Variants in PLEKHG6 observed in about 807,000 individuals in gnomAD.
The protein encoded by PLEKHG6 is pleckstrin homology domain-containing family G member 6.
PLEKHG6 carries 91 observed loss-of-function variants against 97.5 expected under a neutral mutation model. The observed-to-expected ratio is 0.93, with a 90% CI of 0.79 to 1.11. The LOEUF is 1.11. PLEKHG6 is among the 50% of genes most tolerant of loss of function. The pLI, the probability that PLEKHG6 is intolerant of heterozygous loss-of-function variation, is 0.00. For synonymous variants in PLEKHG6, 466 were observed against 425.5 expected (o/e 1.10, Z -1.17); for missense variants, 1,044 against 1,031.0 (o/e 1.01, Z -0.17).
At chr12:6,319,759 C>G in intron 13 of PLEKHG6, 6 of 1,298,802 alleles carry the variant, frequency 4.6e-6, no homozygotes, top group Non-Finnish European at 6.3e-6. Context: ...ACGGCAGGCA[C>G]TAGAGCTAGG....
At chr12:6,313,567 A>G in intron 2 of PLEKHG6, 62 bp from the exon 3 acceptor site, 4 of 1,584,674 alleles carry the variant, frequency 2.5e-6, no homozygotes, top group Non-Finnish European at 3.4e-6. Flanking sequence ...CCCCCCTACT[A>G]CCTCTCTGGG....
At chr12:6,324,987 G>T (rs940203528) in intron 13 of PLEKHG6, among the ~76,000 whole-genome samples, 1 of 152,210 alleles carries the variant, frequency 6.6e-6, no homozygotes, top group African/African-American at 2.4e-5. Flanking sequence ...GGGGATGGGG[G>T]AAGTGGTTGA....
At chr12:6,326,964 A>T (rs191733093) in intron 14 of PLEKHG6, among the ~76,000 whole-genome samples, 1 of 152,134 alleles carries the variant, frequency 6.6e-6, no homozygotes, top group East Asian at 1.9e-4. Context: ...AGAATCGATC[A>T]TTGAGGATAA....
At chr12:6,314,219 TG>T (rs1250036354) in intron 3 of PLEKHG6, among the ~76,000 whole-genome samples, 1 of 151,954 alleles carries the variant, frequency 6.6e-6, no homozygotes, top group Non-Finnish European at 1.5e-5. Flanking sequence ...ACCTGTAAAA[TG>T]GGCCGGGCGT....
In PLEKHG6 at chr12:6,318,439, G is replaced by T; in HGVS notation, c.1275+19G>T. ...AGGGAAGGTGAGGGTGCTGCGGACAGAGTGGAGGGGATGGGGCACGGTGGG... is the reference window on the plus strand; with the variant it reads ...AGGGAAGGTGAGGGTGCTGCGGACATAGTGGAGGGGATGGGGCACGGTGGG... On this transcript the variant is annotated intron_variant, in intron 11 of 15. Coordinates refer to ENST00000684764, the MANE Select transcript of PLEKHG6 (RefSeq NM_001384598.1). The T allele has an allele frequency of 6.3e-7, 1 of 1,589,246 alleles. No individual in the cohort carries two copies. The highest frequency in any genetic ancestry group is 8.6e-7 in the Non-Finnish European group (1 of 1,169,294).
Position 6,316,020 on chromosome 12 carries a change from C to T in PLEKHG6, c.606+101C>T, listed in dbSNP as rs562029126. 32 of 1,169,490 alleles carry T rather than the reference C, an allele frequency of 2.7e-5. No individual in the cohort carries two copies. Among genetic ancestry groups the T allele is most frequent in the Non-Finnish European group, 3.5e-5 (29 of 828,596 alleles). The allele number at this position is 1,169,490 out of a possible 1,614,324, so 72.4% of individuals were successfully genotyped here. On this transcript the variant is annotated intron_variant, in intron 6 of 15. Transcript: ENST00000684764. This position sits in a 1 kb window ranked among gnomAD's most constrained non-coding sequence, Gnocchi z 4.1. The stretch of plus-strand genomic sequence containing the variant: ...ATCCCTGTCTGAATTCCCACTGCCC[C>T]GTTTTTTGGGATGCCTTGCCCTCCC...
chr12:6,318,433 C>A lies in PLEKHG6; in HGVS notation c.1275+13C>A. Reference sequence around the variant, plus strand: ...ACGAGAAGGGAAGGTGAGGGTGCTGCGGACAGAGTGGAGGGGATGGGGCAC... The same window carrying A: ...ACGAGAAGGGAAGGTGAGGGTGCTGAGGACAGAGTGGAGGGGATGGGGCAC... On this transcript the variant is annotated intron_variant, in intron 11 of 15. Coordinates refer to ENST00000684764, the MANE Select transcript of PLEKHG6 (RefSeq NM_001384598.1). The A allele has an allele frequency of 6.3e-7, 1 of 1,598,220 alleles. No homozygotes were observed.
chr12:6,320,040 A>C (rs1454136347), intron 13 of PLEKHG6, among the ~76,000 whole-genome samples: 1 of 152,210 alleles, frequency 6.6e-6, no homozygotes, highest in Non-Finnish European at 1.5e-5. Context: ...CAGAACGTGC[A>C]AAGGCGGGAA....
rs547945679 is a variant in PLEKHG6 at position 6,317,743 on chromosome 12, AG to A, written c.1017+53del. ...GGACTCTGGTGAATCGGGGACTGGG[AG>A]GGGGGTCTCTTTCTTAGTGTGTCTG... On this transcript the variant is annotated intron_variant, in intron 9 of 15. Transcript: ENST00000684764. The A allele has an allele frequency of 3.6e-4, 578 of 1,603,076 alleles. 4 individuals carry two copies. In the African/African-American group the frequency reaches 6.6e-3, roughly 18 times the overall value.
intron 13 of PLEKHG6, among the ~76,000 whole-genome samples, chr12:6,320,454 C>A (rs1314467503): frequency 6.6e-6 from 1 of 152,172 alleles, no homozygotes; most frequent in Non-Finnish European, 1.5e-5. Context: ...ATCCTTGCCT[C>A]TTCCAGCTCC....
Position 6,328,139 on chromosome 12 carries a change from G to T in PLEKHG6, c.2367G>T (p.Glu789Asp), listed in dbSNP as rs1947942454. 1.2e-6 allele frequency: 2 copies of T among 1,613,996 alleles called. No individual in the cohort carries two copies. Among genetic ancestry groups the T allele is most frequent in the Middle Eastern group, 1.6e-4 (1 of 6,084 alleles). The change falls in exon 16 of 16, where the codon GAG (glutamate) becomes GAT (aspartate). Residue 789 changes from glutamate (E) to aspartate (D), a missense_variant. Coordinates refer to ENST00000684764, the MANE Select transcript of PLEKHG6 (RefSeq NM_001384598.1). ...ACACCCCCTCCTGTCTTTTCAGAGA[G>T]GTATGAGGAATGCAGAGGACCTTTG... ...IQLDTPLSAS[E>D]V is the part of the protein sequence containing the mutation.
At chr12:6,311,350 G>T (rs1459471071) in intron 1 of PLEKHG6, among the ~76,000 whole-genome samples, 1 of 152,168 alleles carries the variant, frequency 6.6e-6, no homozygotes, top group Non-Finnish European at 1.5e-5. Context: ...ATTCTATTTG[G>T]CTGGTCTCTA....
At chr12:6,314,125 C>G (rs1947366849) in intron 3 of PLEKHG6, among the ~76,000 whole-genome samples, 1 of 152,152 alleles carries the variant, frequency 6.6e-6, no homozygotes, top group Admixed American at 6.6e-5. Flanking sequence ...CCACTGTGAG[C>G]CTCACCTCTC....
Position 6,315,923 on chromosome 12 carries a change from A to G in PLEKHG6, c.606+4A>G. On this transcript the variant is annotated splice_donor_region_variant and intron_variant, in intron 6 of 15. Transcript: ENST00000684764. This position sits in a 1 kb window ranked among gnomAD's most constrained non-coding sequence, Gnocchi z 4.5. ...GCGAGTGGGACTGCTGATGGAAGTG[A>G]GTGGGTGCTCAGGAGGGGACCCTGG... The G allele has an allele frequency of 6.3e-7, 1 of 1,579,738 alleles. No homozygotes were observed. Among genetic ancestry groups the G allele is most frequent in the South Asian group, 1.2e-5 (1 of 86,168 alleles).
chr12:6,312,711 C>A, intron 2 of PLEKHG6: 1 of 1,168,538 alleles, frequency 8.6e-7, no homozygotes, highest in South Asian at 2.6e-5. Context: ...AGTTTGAGGC[C>A]TTCCTGAGAT....
Position 6,317,703 on chromosome 12 carries a change from G to A in PLEKHG6, c.1017+7G>A. On this transcript the variant is annotated splice_region_variant and intron_variant, in intron 9 of 15. Transcript: ENST00000684764. ...AGAGGCCCTGAATGCCATGGTAGGT[G>A]CCCCAGTGGGGCTGGGACTCTGGTG... is the stretch of plus-strand genomic sequence containing the variant. The A allele has an allele frequency of 6.2e-7, 1 of 1,612,780 alleles. No homozygotes were observed. Among genetic ancestry groups the A allele is most frequent in the Non-Finnish European group, 8.5e-7 (1 of 1,179,812 alleles).
rs148733044 is a variant in PLEKHG6 at position 6,313,202 on chromosome 12, C to G, written c.139-427C>G. 3.1e-5 allele frequency: 48 copies of G among 1,548,386 alleles called. No individual in the cohort carries two copies. The African/African-American group carries it at 6.2e-4, about 20-fold the overall frequency. ...GGCTGCACATGTGAGTGCCCTCGTC[C>G]CCATGTGTGAGGGAGGCTGGTCATA... On this transcript the variant is annotated intron_variant, in intron 2 of 15. Coordinates refer to ENST00000684764, the MANE Select transcript of PLEKHG6 (RefSeq NM_001384598.1).
At chr12:6,318,220 G>A (rs892331009) in intron 10 of PLEKHG6, 81 bp from the exon 11 acceptor site, 2 of 1,596,224 alleles carry the variant, frequency 1.3e-6, no homozygotes, top group Non-Finnish European at 1.7e-6. Context: ...AGGTGTTGGT[G>A]GCAGAACCAG....
At chr12:6,326,371 C>G (rs1947855348) in intron 13 of PLEKHG6, 57 bp from the exon 14 acceptor site, 1 of 1,386,516 alleles carries the variant, frequency 7.2e-7, no homozygotes, top group Non-Finnish European at 1.0e-6. Flanking sequence ...GGGTGCCTGG[C>G]AAACAGCAAG....
Sources: allele counts gnomAD v4.1 joint callset (sites outside exome capture counted in the v4.1 genomes callset), GRCh38; gene constraint gnomAD v4.1.1; non-coding constraint Gnocchi (gnomAD v3.1); transcripts MANE v1.5; gene names NCBI Gene and HGNC (gene_info 2026-07-23, HGNC 2026-07-21).